The following ATM variants were observed in gnomAD, a reference collection of about 807,000 sequenced individuals.
ATM encodes the protein serine-protein kinase ATM.
ATM carries 308 observed loss-of-function variants against 387.0 expected under a neutral mutation model. That is an observed-to-expected ratio of 0.80 (90% CI 0.73 to 0.87). The LOEUF (loss-of-function observed/expected upper bound fraction) is 0.87. ATM is among the 40% of genes least tolerant of loss of function. The pLI is 0.00. For synonymous variants in ATM, 1,156 were observed against 1,187.3 expected, an observed-to-expected ratio of 0.97 and a Z score of 0.54; for missense variants, 3,312 against 3,560.9, an observed-to-expected ratio of 0.93 and a Z score of 1.78.
intron 39 of ATM, among the ~76,000 whole-genome samples, chr11:108,311,574 T>C (rs1428409045): frequency 1.3e-5 from 2 of 151,972 alleles, no homozygotes; most frequent in South Asian, 4.1e-4. Flanking sequence ...GGCCTGCACA[T>C]GTAGTCCCAG....
At chr11:108,238,829 C>T (rs545103511) in intron 5 of ATM, among the ~76,000 whole-genome samples, 1 of 151,862 alleles carries the variant, frequency 6.6e-6, no homozygotes, top group South Asian at 2.1e-4. Context: ...ATATATATAA[C>T]ATTTATAATT....
intron 6 of ATM, among the ~76,000 whole-genome samples, chr11:108,244,575 A>C (rs2079736903): frequency 6.6e-6 from 1 of 152,114 alleles, no homozygotes; most frequent in East Asian, 1.9e-4. Flanking sequence ...AGCTAACAGA[A>C]GTGGTCTCTT....
intron 59 of ATM, among the ~76,000 whole-genome samples, chr11:108,351,752 T>C (rs762083474): frequency 6.6e-6 from 1 of 152,246 alleles, no homozygotes; most frequent in African/African-American, 2.4e-5. Context: ...TGTCATCACA[T>C]AGTCATGTCA....
Position 108,280,943 on chromosome 11 carries a change from T to A in ATM, c.3403-52T>A, listed in dbSNP as rs1188051362. 2.6e-6 allele frequency: 4 copies of A among 1,514,824 alleles called. No individual in the cohort carries two copies. In the African/African-American group the frequency reaches 5.6e-5, roughly 21 times the overall value. The allele number at this position is 1,514,824 out of a possible 1,614,324, so 93.8% of individuals were successfully genotyped here. A position where few individuals can be genotyped will look rare whatever the true frequency, so the allele number is the denominator to read the frequency against. On this transcript the variant is annotated intron_variant, in intron 23 of 62. Coordinates refer to ENST00000675843, the MANE Select transcript of ATM (RefSeq NM_000051.4). ...AGTTCAGTTGGGATTTTATAATTGATTGTTAAACATTTACATTTTACATTA... is the reference window on the plus strand; with the variant it reads ...AGTTCAGTTGGGATTTTATAATTGAATGTTAAACATTTACATTTTACATTA...
intron 26 of ATM, among the ~76,000 whole-genome samples, chr11:108,285,787 G>T (rs1381435770): frequency 6.6e-6 from 1 of 152,064 alleles, no homozygotes; most frequent in Non-Finnish European, 1.5e-5. Flanking sequence ...CACTCCAGAG[G>T]TTATGGAATT....
intron 27 of ATM, among the ~76,000 whole-genome samples, chr11:108,288,437 G>A (rs11212580): frequency 6.7e-6 from 1 of 149,014 alleles, no homozygotes; most frequent in South Asian, 2.1e-4. Flanking sequence ...ATGTCTCTGA[G>A]TTGTATATGA....
Position 108,335,115 on chromosome 11 carries a change from C to T in ATM, c.8151+6C>T, listed in dbSNP as rs910779363. On this transcript the variant is annotated splice_donor_region_variant and intron_variant, in intron 55 of 62. Coordinates refer to ENST00000675843, the MANE Select transcript of ATM (RefSeq NM_000051.4). ...AGAGGAGACAGCTTGTTAAGGTGAG[C>T]CTTCCCTTCTCTGGCTTAGCCCTTA... 1.2e-6 allele frequency: 2 copies of T among 1,613,946 alleles called. No individual in the cohort carries two copies. The highest frequency in any genetic ancestry group is 1.7e-6 in the Non-Finnish European group (2 of 1,179,934).
rs1269388386 is a variant in ATM, at chr11:108,249,227, T to TTACTA, written c.1235+126_1235+130dup. ...AGTCATTTGTCTACCCCCAAACCTA[T>TTACTA]TACTAGCAAAGGGATATGTGATTGC... On this transcript the variant is annotated intron_variant, in intron 9 of 62. Coordinates refer to ENST00000675843, the MANE Select transcript of ATM (RefSeq NM_000051.4). The TTACTA allele has an allele frequency of 1.2e-5, 13 of 1,099,496 alleles. No homozygotes were observed. In the East Asian group the frequency reaches 3.2e-4, roughly 27 times the overall value. 68.1% of individuals were successfully genotyped at this position (1,099,496 alleles called of 1,614,324 possible). A position where few individuals can be genotyped will look rare whatever the true frequency, so the allele number is the denominator to read the frequency against.
At position 108,368,666 on chromosome 11, in the gene ATM, A is replaced by AT. The variant is rs1296346692; in HGVS notation, c.*3159dup. 4.6e-6 allele frequency: 1 copy of AT among 217,222 alleles called. No homozygotes were observed. Among genetic ancestry groups the AT allele is most frequent in the African/African-American group, 2.2e-5 (1 of 44,482 alleles). 13.5% of individuals were successfully genotyped at this position (217,222 alleles called of 1,614,324 possible). On this transcript the variant is annotated 3_prime_UTR_variant, in exon 63 of 63. Coordinates refer to ENST00000675843, the MANE Select transcript of ATM (RefSeq NM_000051.4). Reference sequence around the variant, plus strand: ...TCAATGAAAACCAAATAGTGAAGCTATCAGAGAAGCTAATAAATTATAGAC... The same window carrying AT: ...TCAATGAAAACCAAATAGTGAAGCTATTCAGAGAAGCTAATAAATTATAGAC...
chr11:108,316,218 A>AGTCTTATCT, intron 42 of ATM, 105 bp downstream of exon 42: 1 of 1,055,568 alleles, frequency 9.5e-7, no homozygotes, highest in Non-Finnish European at 1.4e-6. Flanking sequence ...TAGAGATAAG[A>AGTCTTATCT]CTAGAACTTA....
At position 108,297,293 on chromosome 11, in the gene ATM, C is replaced by T. The variant is rs752459491; in HGVS notation, c.4916C>T (p.Pro1639Leu). 20 of 1,613,304 alleles carry T rather than the reference C, an allele frequency of 1.2e-5. No individual in the cohort carries two copies. The highest frequency in any genetic ancestry group is 8.9e-5 in the East Asian group (4 of 44,848). ...VDIMRASQDN[P>L]QDGIMVKLVV... Reference sequence around the variant, plus strand: ...TTTAAAAAATTATTTCTAGATAATCCGCAAGATGGGATTATGGTGAAACTA... The same window carrying T: ...TTTAAAAAATTATTTCTAGATAATCTGCAAGATGGGATTATGGTGAAACTA... The change falls in exon 33 of 63, where the codon CCG (proline) becomes CTG (leucine). Residue 1639 changes from proline (P) to leucine (L), a missense_variant. Physicochemically the swap from Pro to Leu is moderately conservative, Grantham distance 98. Around this residue, in one of 4 missense-constraint regions of ATM, gnomAD observed 1,405 missense variants for 1,604.4 expected, o/e 0.88. Coordinates refer to ENST00000675843, the MANE Select transcript of ATM (RefSeq NM_000051.4).
chr11:108,324,056 GAA>G (rs10708230), intron 45 of ATM, among the ~76,000 whole-genome samples: 1 of 151,952 alleles, frequency 6.6e-6, no homozygotes, highest in Admixed American at 6.6e-5. Context: ...AAAAATATTT[GAA>G]AAAAAAATTT....
rs587779865 is a variant in ATM, at chr11:108,330,362, C to T, written c.7456C>T (p.Arg2486Ter). ...SGEEHDMWVF[R>*]LCSLWLENSG... ...AGAAGAACATGATATGTGGGTATTC[C>T]GACTTTGTTCCCTCTGGCTTGAAAA... Residue 2486 changes from arginine to a stop codon, truncating the protein, a stop_gained, in exon 50 of 63, where the codon CGA (arginine) becomes TGA (stop). Coordinates refer to ENST00000675843, the MANE Select transcript of ATM (RefSeq NM_000051.4). LOFTEE classifies it high-confidence loss of function. The T allele has an allele frequency of 4.3e-6, 7 of 1,614,096 alleles. No homozygotes were observed. Among genetic ancestry groups the T allele is most frequent in the Admixed American group, 3.3e-5 (2 of 60,010 alleles).
rs377648506 is a variant in ATM at position 108,333,946 on chromosome 11, T to C, written c.7988T>C (p.Val2663Ala). The C allele has an allele frequency of 2.1e-5, 34 of 1,611,164 alleles. No individual in the cohort carries two copies. In the African/African-American group the frequency reaches 3.5e-4, roughly 16 times the overall value. ...AAACTTAAGAATTTAGAAGATGTTG[T>C]TGTCCCTACTATGGAAATTAAGGTA... ...ITKLKNLEDV[V>A]VPTMEIKVDH... Residue 2663 changes from valine to alanine, a missense_variant, in exon 54 of 63, where the codon GTT becomes GCT. Physicochemically the swap from Val to Ala is moderately conservative, Grantham distance 64. Around this residue, in one of 4 missense-constraint regions of ATM, gnomAD observed 1,405 missense variants for 1,604.4 expected, o/e 0.88. Coordinates refer to ENST00000675843, the MANE Select transcript of ATM (RefSeq NM_000051.4).
At chr11:108,275,515 A>C (rs894252439) in intron 22 of ATM, among the ~76,000 whole-genome samples, 1 of 152,152 alleles carries the variant, frequency 6.6e-6, no homozygotes, top group Non-Finnish European at 1.5e-5. Flanking sequence ...TTGCCTTTCC[A>C]TATTTAGTGC....
intron 3 of ATM, among the ~76,000 whole-genome samples, chr11:108,228,749 A>G (rs2078862892): frequency 6.6e-6 from 1 of 152,234 alleles, no homozygotes; most frequent in Non-Finnish European, 1.5e-5. Context: ...CTGGTAGGTC[A>G]AATATGCACC....
chr11:108,319,041 G>T (rs947941911), intron 43 of ATM, among the ~76,000 whole-genome samples: 17 of 152,014 alleles, frequency 1.1e-4, no homozygotes, highest in Non-Finnish European at 2.2e-4. Context: ...GCTGGGCAAG[G>T]TAGCATGCAT....
rs1555073166 is a variant in ATM, at chr11:108,253,858, TAGA to T, written c.1948_1950del (p.Glu650del). On this transcript the variant is annotated inframe_deletion, in exon 13 of 63. Transcript: ENST00000675843. ...AAAGAAGAACTTTCATTCTCAGAAG[TAGA>T]AGAACTATTTCTTCAGACAACTTTT... 2 of 1,613,964 alleles carry T rather than the reference TAGA, an allele frequency of 1.2e-6. No individual in the cohort carries two copies. Among genetic ancestry groups the T allele is most frequent in the South Asian group, 1.1e-5 (1 of 91,076 alleles).
At chr11:108,250,200 T>A (rs886827293) in intron 9 of ATM, among the ~76,000 whole-genome samples, 6 of 151,808 alleles carry the variant, frequency 4.0e-5, no homozygotes, top group African/African-American at 1.2e-4. Flanking sequence ...TCACCCAGGC[T>A]GGAGTGCAGT....
Sources: allele counts gnomAD v4.1 joint callset (sites outside exome capture counted in the v4.1 genomes callset), GRCh38; gene constraint gnomAD v4.1.1; regional missense constraint gnomAD v4.1.1; transcripts MANE v1.5; gene names NCBI Gene and HGNC (gene_info 2026-07-23, HGNC 2026-07-21).